The following ZPLD1 variants were observed in gnomAD, a reference collection of about 807,000 sequenced individuals.
ZPLD1 encodes the protein zona pellucida-like domain-containing protein 1.
A neutral mutation model predicts 47.2 loss-of-function variants in ZPLD1; 34 were observed. The observed-to-expected ratio is 0.72, with a 90% CI of 0.55 to 0.96. The LOEUF (loss-of-function observed/expected upper bound fraction) is 0.96, where lower values mean the gene tolerates loss of function less well. ZPLD1 is among the 40% of genes least tolerant of loss of function. ZPLD1 has a pLI of 0.00. For synonymous variants in ZPLD1, 176 were observed against 186.2 expected, an observed-to-expected ratio of 0.95 and a Z score of 0.45; for missense variants, 512 against 505.8, an observed-to-expected ratio of 1.01 and a Z score of -0.12.
rs979716685 is a variant in ZPLD1, at chr3:102,391,748, G to A, written c.-212-422G>A. Among the ~76,000 whole-genome samples the A allele has an allele frequency of 1.1e-4, 17 of 152,088 alleles. No individual in the cohort carries two copies. The South Asian group carries it at 1.5e-3, about 13-fold the overall frequency. The stretch of plus-strand genomic sequence containing the variant: ...AGACCTGTACAAATTGCAGATTTGC[G>A]AGCAAAATAAGTGATTATAATTGTA... On this transcript the variant is annotated intron_variant, in intron 6 of 17. Coordinates refer to the ZPLD1 transcript ENST00000491959.
At chr3:102,421,578 T>C (rs1706880098) in intron 8 of ZPLD1, among the ~76,000 whole-genome samples, 1 of 151,890 alleles carries the variant, frequency 6.6e-6, no homozygotes, top group Non-Finnish European at 1.5e-5. Context: ...AAAATGAAGG[T>C]AATATATTTC....
At chr3:102,474,938 G>GA (rs1337508577) in intron 10 of ZPLD1, among the ~76,000 whole-genome samples, 4 of 152,002 alleles carry the variant, frequency 2.6e-5, no homozygotes, top group Non-Finnish European at 4.4e-5. Context: ...AAAGTCTCCT[G>GA]AAAAAATGTC....
At chr3:102,473,831 T>A (rs1277204712) in intron 10 of ZPLD1, among the ~76,000 whole-genome samples, 1 of 152,208 alleles carries the variant, frequency 6.6e-6, no homozygotes, top group Non-Finnish European at 1.5e-5. Context: ...CTTTTTTCCT[T>A]AGTTTCACTT....
At chr3:102,438,680 CG>C (rs1248588323) in intron 3 of ZPLD1, 87 bp downstream of exon 3, 10 of 941,642 alleles carry the variant, frequency 1.1e-5, no homozygotes, top group South Asian at 4.8e-5. Flanking sequence ...ATATGGAGAA[CG>C]GGGGGCTATC....
chr3:102,437,565 C>T (rs541723488), intron 2 of ZPLD1, among the ~76,000 whole-genome samples: 1 of 152,256 alleles, frequency 6.6e-6, no homozygotes, highest in South Asian at 2.1e-4. Context: ...ACCAAGACCA[C>T]CAACCCAAAA....
intron 8 of ZPLD1, 63 bp downstream of exon 8, chr3:102,464,314 G>C: frequency 8.6e-7 from 1 of 1,157,390 alleles, no homozygotes; most frequent in African/African-American, 1.5e-5. Context: ...TAATTGAAAT[G>C]GAATATCTAA....
At chr3:102,422,592 T>A (rs866278804) in intron 8 of ZPLD1, among the ~76,000 whole-genome samples, 1 of 152,000 alleles carries the variant, frequency 6.6e-6, no homozygotes, top group African/African-American at 2.4e-5. Context: ...TAGAAGAGTG[T>A]CTTGAAAGAA....
At chr3:102,419,838 C>T (rs191150523) in intron 8 of ZPLD1, among the ~76,000 whole-genome samples, 1 of 151,088 alleles carries the variant, frequency 6.6e-6, no homozygotes, top group Admixed American at 6.6e-5. Flanking sequence ...CATTTAAGTA[C>T]CTATTAGAAA....
intron 7 of ZPLD1, among the ~76,000 whole-genome samples, chr3:102,395,048 G>T (rs550476492): frequency 1.3e-5 from 2 of 152,174 alleles, no homozygotes; most frequent in African/African-American, 4.8e-5. Context: ...CATCAGTGGG[G>T]TAGTAGAAGG....
At position 102,476,995 on chromosome 3, in the gene ZPLD1, C is replaced by T; in HGVS notation, c.1043-17C>T. 6.2e-7 allele frequency: 1 copy of T among 1,612,500 alleles called. No individual in the cohort carries two copies. Among genetic ancestry groups the T allele is most frequent in the South Asian group, 1.1e-5 (1 of 90,944 alleles). ...GAGAGATGATGTCACTTCTCTTTTT[C>T]TGTTTTTTCCCCTCAGATGAGACTC... On this transcript the variant is annotated splice_polypyrimidine_tract_variant and intron_variant, in intron 10 of 11. Transcript: ENST00000466937.
chr3:102,426,944 A>G (rs1425023085), intron 8 of ZPLD1, among the ~76,000 whole-genome samples: 2 of 152,184 alleles, frequency 1.3e-5, no homozygotes, highest in African/African-American at 4.8e-5. Context: ...TCTAAGAAAA[A>G]CACTCAGCCA....
chr3:102,418,392 A>G (rs1706835029), intron 8 of ZPLD1, among the ~76,000 whole-genome samples: 1 of 152,040 alleles, frequency 6.6e-6, no homozygotes, highest in African/African-American at 2.4e-5. Context: ...AGTATCTTAA[A>G]TATAGCAAAA....
chr3:102,401,871 C>G (rs147523519), intron 7 of ZPLD1, among the ~76,000 whole-genome samples: 2 of 151,990 alleles, frequency 1.3e-5, no homozygotes, highest in Admixed American at 1.3e-4. Context: ...AGTAACTATT[C>G]AGCTAATTTA....
intron 3 of ZPLD1, among the ~76,000 whole-genome samples, chr3:102,446,401 T>G (rs1185365770): frequency 6.6e-6 from 1 of 152,218 alleles, no homozygotes; most frequent in Non-Finnish European, 1.5e-5. Context: ...CATTGGTAAT[T>G]TCAGCTATTA....
intron 8 of ZPLD1, among the ~76,000 whole-genome samples, chr3:102,429,671 G>A (rs1054773456): frequency 7.9e-5 from 12 of 152,124 alleles, no homozygotes; most frequent in African/African-American, 2.9e-4. Context: ...ATGTGGAGAA[G>A]GCCCTTATTC....
intron 7 of ZPLD1, among the ~76,000 whole-genome samples, chr3:102,401,833 C>T (rs1162694254): frequency 6.6e-6 from 1 of 151,966 alleles, no homozygotes; most frequent in Non-Finnish European, 1.5e-5. Context: ...GTATTTGGCA[C>T]AAAAACTGTA....
At chr3:102,392,837 T>C (rs1238411009) in intron 7 of ZPLD1, among the ~76,000 whole-genome samples, 1 of 152,190 alleles carries the variant, frequency 6.6e-6, no homozygotes, top group African/African-American at 2.4e-5. Context: ...GCACTTTTTA[T>C]TGGGTACCTT....
chr3:102,476,456 C>T (rs1446240353), intron 10 of ZPLD1, among the ~76,000 whole-genome samples: 1 of 152,080 alleles, frequency 6.6e-6, no homozygotes, highest in Non-Finnish European at 1.5e-5. Flanking sequence ...AAAACTACAA[C>T]TCAGGCTCAG....
chr3:102,441,496 T>G (rs1372183243), intron 3 of ZPLD1, among the ~76,000 whole-genome samples: 14 of 152,208 alleles, frequency 9.2e-5, no homozygotes, highest in South Asian at 2.1e-4. Context: ...GATAGTGTAT[T>G]CTATCATTTT....
Sources: allele counts gnomAD v4.1 joint callset (sites outside exome capture counted in the v4.1 genomes callset), GRCh38; gene constraint gnomAD v4.1.1; transcripts MANE v1.5; gene names NCBI Gene and HGNC (gene_info 2026-07-23, HGNC 2026-07-21).